Variants in CELF2 observed in about 807,000 individuals in gnomAD.
CELF2 encodes CUG triplet repeat RNA-binding protein 2.
CELF2 carries 8 observed loss-of-function variants against 62.6 expected under a neutral mutation model. The observed-to-expected ratio is 0.13, with a 90% CI of 0.07 to 0.23. CELF2 has a LOEUF of 0.23. Ranked by LOEUF, CELF2 falls within the 10% of genes least tolerant of loss-of-function variation. CELF2 has a pLI of 1.00. For synonymous variants in CELF2, 258 were observed against 250.0 expected (o/e 1.03, Z -0.30); for missense variants, 333 against 671.0 (o/e 0.50, Z 5.56).
chr10:10,671,035 CA>C, the CELF2 span, among the ~76,000 whole-genome samples: 4 of 151,880 alleles, frequency 2.6e-5, no homozygotes, highest in Admixed American at 1.3e-4. Flanking sequence ...GGCACGGTGG[CA>C]TGTACCTGCA....
the CELF2 span, among the ~76,000 whole-genome samples, chr10:10,627,667 A>C: frequency 6.6e-6 from 1 of 152,170 alleles, no homozygotes; most frequent in Non-Finnish European, 1.5e-5. Context: ...GGAGGGAAAG[A>C]ACCTATGGGG....
chr10:10,495,102 C>T, the CELF2 span, among the ~76,000 whole-genome samples: 30 of 148,364 alleles, frequency 2.0e-4, no homozygotes, highest in African/African-American at 7.9e-4. Context: ...TGGTGAAACC[C>T]CGTCTCTACT....
chr10:10,482,289 G>A, the CELF2 span, among the ~76,000 whole-genome samples: 3 of 152,164 alleles, frequency 2.0e-5, no homozygotes, highest in Non-Finnish European at 4.4e-5. Context: ...TGTATAGAGT[G>A]TATGTTTTGC....
the CELF2 span, among the ~76,000 whole-genome samples, chr10:10,559,921 C>T: frequency 6.6e-6 from 1 of 152,132 alleles, no homozygotes; most frequent in African/African-American, 2.4e-5. Flanking sequence ...TGCAAATTTA[C>T]CATTTGATGA....
chr10:10,669,309 A>C, the CELF2 span, among the ~76,000 whole-genome samples: 1 of 152,344 alleles, frequency 6.6e-6, no homozygotes, highest in Non-Finnish European at 1.5e-5. Context: ...TATTTTATGA[A>C]GAGTAAACTC....
At chr10:10,615,523 T>C in the CELF2 span, among the ~76,000 whole-genome samples, 17 of 152,154 alleles carry the variant, frequency 1.1e-4, no homozygotes, top group African/African-American at 4.1e-4. Flanking sequence ...GTCATGTTGA[T>C]ATGGTTTGAA....
intron 1 of CELF2, among the ~76,000 whole-genome samples, chr10:11,140,642 A>T (rs2061193345): frequency 6.6e-6 from 1 of 152,194 alleles, no homozygotes; most frequent in Admixed American, 6.5e-5. Context: ...GTCACTTATA[A>T]ATTTCGCTAT....
intron 9 of CELF2, among the ~76,000 whole-genome samples, chr10:11,298,774 A>G (rs1399879803): frequency 6.6e-6 from 1 of 152,220 alleles, no homozygotes; most frequent in Non-Finnish European, 1.5e-5. Flanking sequence ...TATATGGGAA[A>G]GATCGAATCA....
chr10:11,069,395 G>A (rs2069099912), intron 1 of CELF2, among the ~76,000 whole-genome samples: 1 of 152,178 alleles, frequency 6.6e-6, no homozygotes, highest in Non-Finnish European at 1.5e-5. Context: ...TTCAGACGAA[G>A]ATATCCCAGA....
At chr10:11,249,089 G>A (rs2076410303) in intron 3 of CELF2, 64 bp from the exon 4 acceptor site, 3 of 1,328,224 alleles carry the variant, frequency 2.3e-6, no homozygotes, top group East Asian at 2.3e-5. Flanking sequence ...AATTGCTGCA[G>A]ATTTCTGAGA....
At position 11,165,303 on chromosome 10, in the gene CELF2, G is replaced by A. The variant is rs922522894; in HGVS notation, c.75-183G>A. 5 of 1,404,046 alleles carry A rather than the reference G, an allele frequency of 3.6e-6. No individual in the cohort carries two copies. The highest frequency in any genetic ancestry group is 4.6e-6 in the Non-Finnish European group (5 of 1,081,714). The allele number at this position is 1,404,046 out of a possible 1,614,324, so 87.0% of individuals were successfully genotyped here. On this transcript the variant is annotated intron_variant, in intron 1 of 12. Coordinates refer to ENST00000633077, the MANE Select transcript of CELF2 (RefSeq NM_001326342.2). This position sits in a 1 kb window ranked among gnomAD's most constrained non-coding sequence, Gnocchi z 7.4. Reference sequence around the variant, plus strand: ...ACGCAGTGAGAGCCTCGCCGCCGCCGAGGAGCAACTCATGGTGCCTCCGCT... The same window carrying A: ...ACGCAGTGAGAGCCTCGCCGCCGCCAAGGAGCAACTCATGGTGCCTCCGCT...
chr10:11,144,390 C>T (rs988472496), intron 1 of CELF2, among the ~76,000 whole-genome samples: 1 of 152,128 alleles, frequency 6.6e-6, no homozygotes, highest in African/African-American at 2.4e-5. Context: ...GGATGAAACA[C>T]AGTGCTCGGT....
intron 2 of CELF2, among the ~76,000 whole-genome samples, chr10:10,961,750 CAAAAAAAAAGAA>C (rs1053613470): frequency 2.2e-5 from 3 of 134,404 alleles, no homozygotes; most frequent in East Asian, 2.2e-4. Flanking sequence ...GACTCTGTCT[CAAAAAAAAAGAA>C]AAAAAAAAAG....
intron 3 of CELF2, among the ~76,000 whole-genome samples, chr10:11,231,319 C>T (rs769319210): frequency 6.6e-5 from 10 of 152,194 alleles, no homozygotes; most frequent in Non-Finnish European, 1.3e-4. Context: ...CCATGGTCAG[C>T]GTTTGCCTAA....
the CELF2 span, among the ~76,000 whole-genome samples, chr10:10,522,830 A>G: frequency 3.3e-5 from 5 of 152,120 alleles, no homozygotes; most frequent in Non-Finnish European, 7.3e-5. Flanking sequence ...TCGGCCTCCC[A>G]AAGTGCTGGG....
At chr10:10,974,475 G>C (rs1048034573) in intron 2 of CELF2, among the ~76,000 whole-genome samples, 2 of 152,110 alleles carry the variant, frequency 1.3e-5, no homozygotes, top group African/African-American at 4.8e-5. Flanking sequence ...CTGGATTTGG[G>C]TTCTAAAGCC....
Position 11,297,416 on chromosome 10 carries a change from G to A in CELF2, c.976+8864G>A, listed in dbSNP as rs955950962. 3.3e-5 allele frequency among the ~76,000 whole-genome samples: 5 copies of A among 152,150 alleles called. No individual in the cohort carries two copies. The highest frequency in any genetic ancestry group is 6.5e-5 in the Admixed American group (1 of 15,278). On this transcript the variant is annotated intron_variant, in intron 9 of 12. Coordinates refer to ENST00000633077, the MANE Select transcript of CELF2 (RefSeq NM_001326342.2). The surrounding 1 kb of genome is among the most constrained non-coding windows in gnomAD (Gnocchi z 4.4). The stretch of plus-strand genomic sequence containing the variant: ...ACCAGCAAGGCAAGGCGGGGACCAG[G>A]TGCAGAAAGCCTTGGGGTCTGTGCT...
chr10:11,287,062 T>C (rs1176692365), intron 8 of CELF2, among the ~76,000 whole-genome samples: 1 of 152,174 alleles, frequency 6.6e-6, no homozygotes, highest in Non-Finnish European at 1.5e-5. Flanking sequence ...GGCTGGGGGC[T>C]TACACATGTA....
upstream of CELF2, among the ~76,000 whole-genome samples, chr10:11,013,071 C>T (rs888649942): frequency 6.6e-6 from 1 of 152,110 alleles, no homozygotes; most frequent in African/African-American, 2.4e-5. The surrounding 1 kb of genome is among the most constrained non-coding windows in gnomAD (Gnocchi z 4.1). Context: ...GGGCTCACTG[C>T]GAAGACAGCT....
Sources: gnomAD v4.1 joint callset for allele counts (sites outside exome capture counted in the v4.1 genomes callset) on GRCh38, gnomAD v4.1.1 for gene constraint, Gnocchi (gnomAD v3.1) non-coding constraint, MANE v1.5 for transcripts, NCBI Gene and HGNC (gene_info 2026-07-23, HGNC 2026-07-21) for gene names.